ACBD6: variants seen among roughly 807,000 people sequenced by gnomAD.
ACBD6 encodes acyl-CoA-binding domain-containing protein 6.
ACBD6 carries 28 observed loss-of-function variants against 37.2 expected under a neutral mutation model. That is an observed-to-expected ratio of 0.75 (90% confidence interval 0.56 to 1.03). The LOEUF (loss-of-function observed/expected upper bound fraction) is 1.03, where lower values mean the gene tolerates loss of function less well. Among genes scored for constraint, ACBD6 ranks in the 50% least tolerant of loss-of-function variants. The pLI is 0.00. For synonymous variants in ACBD6, 113 were observed against 126.8 expected (o/e 0.89, Z 0.73); for missense variants, 340 against 337.4 (o/e 1.01, Z -0.06).
intron 5 of ACBD6, among the ~76,000 whole-genome samples, chr1:180,398,852 C>T (rs960018924): frequency 7.9e-5 from 12 of 151,948 alleles, no homozygotes; most frequent in African/African-American, 2.9e-4. Context: ...GTTGACATCC[C>T]TACTTTATGT....
At chr1:180,405,016 TCA>T (rs1647553683) in intron 5 of ACBD6, among the ~76,000 whole-genome samples, 1 of 152,214 alleles carries the variant, frequency 6.6e-6, no homozygotes, top group Non-Finnish European at 1.5e-5. Context: ...AACGCATTTC[TCA>T]GTCATTAGTG....
intron 6 of ACBD6, among the ~76,000 whole-genome samples, chr1:180,319,238 T>C (rs1336606297): frequency 6.6e-6 from 1 of 152,260 alleles, no homozygotes; most frequent in Non-Finnish European, 1.5e-5. Context: ...GTACTACGTC[T>C]TTCATCCAGT....
chr1:180,413,594 A>G, intron 4 of ACBD6, 123 bp from the exon 5 acceptor site: 1 of 709,982 alleles, frequency 1.4e-6, no homozygotes, highest in East Asian at 2.7e-5. Context: ...AAAATTTTAC[A>G]TGAACAGTAA....
intron 5 of ACBD6, among the ~76,000 whole-genome samples, chr1:180,406,685 C>A (rs952048168): frequency 1.3e-5 from 2 of 151,976 alleles, no homozygotes; most frequent in Admixed American, 1.3e-4. Context: ...AATTAAATTT[C>A]TTTATGTGCT....
intron 2 of ACBD6, among the ~76,000 whole-genome samples, chr1:180,493,247 C>CAAAAAAAAAAAAAAAAAAAAAAA (rs71121023): frequency 4.2e-5 from 2 of 47,788 alleles, no homozygotes; most frequent in Non-Finnish European, 3.2e-5. Context: ...AATTCTGTCT[C>CAAAAAAAAAAAAAAAAAAAAAAA]AAAAAAAAAA....
intron 3 of ACBD6, chr1:180,435,692 A>G (rs1306415995): frequency 1.1e-6 from 1 of 885,460 alleles, no homozygotes; most frequent in African/African-American, 1.6e-5. Flanking sequence ...GGTGAACAAG[A>G]AGTTAGAGAC....
At chr1:180,331,759 T>C (rs889998666) in intron 6 of ACBD6, among the ~76,000 whole-genome samples, 8 of 152,136 alleles carry the variant, frequency 5.3e-5, no homozygotes, top group Non-Finnish European at 8.8e-5. Flanking sequence ...TGTAAATTTT[T>C]CCCCCAAGGA....
intron 5 of ACBD6, among the ~76,000 whole-genome samples, chr1:180,407,221 C>T (rs1477868105): frequency 6.6e-6 from 1 of 152,198 alleles, no homozygotes; most frequent in Non-Finnish European, 1.5e-5. Flanking sequence ...AATGAGAGAA[C>T]CCAACTGAAT....
chr1:180,291,671 T>A (rs1649712737), intron 7 of ACBD6, among the ~76,000 whole-genome samples: 1 of 152,162 alleles, frequency 6.6e-6, no homozygotes, highest in Non-Finnish European at 1.5e-5. Context: ...TTTAAGAGTA[T>A]CTTGAAGAGT....
chr1:180,411,097 A>G (rs1647836102), intron 5 of ACBD6, among the ~76,000 whole-genome samples: 1 of 152,266 alleles, frequency 6.6e-6, no homozygotes, highest in Non-Finnish European at 1.5e-5. Context: ...AACTAAAATT[A>G]GAAGTGGAAC....
chr1:180,454,084 A>G (rs917188788), intron 3 of ACBD6, among the ~76,000 whole-genome samples: 1 of 152,228 alleles, frequency 6.6e-6, no homozygotes, highest in Non-Finnish European at 1.5e-5. Flanking sequence ...CTAAGCAAAA[A>G]GAACAAAGCT....
intron 6 of ACBD6, among the ~76,000 whole-genome samples, chr1:180,370,486 C>A (rs1653220907): frequency 6.6e-6 from 1 of 152,130 alleles, no homozygotes; most frequent in African/African-American, 2.4e-5. Context: ...ATGGTCCCTG[C>A]ATTCAAAGAA....
chr1:180,305,085 T>C (rs1348719432), intron 7 of ACBD6, among the ~76,000 whole-genome samples: 1 of 152,194 alleles, frequency 6.6e-6, no homozygotes, highest in African/African-American at 2.4e-5. Context: ...TTACACTTTA[T>C]ACAAAAATTA....
chr1:180,354,694 G>A (rs1234503539), intron 6 of ACBD6, among the ~76,000 whole-genome samples: 6 of 152,110 alleles, frequency 3.9e-5, no homozygotes, highest in Non-Finnish European at 8.8e-5. Context: ...TGGTTTTAAG[G>A]AGAATGAATG....
At chr1:180,441,653 TTTTG>T (rs1198578211) in intron 3 of ACBD6, among the ~76,000 whole-genome samples, 2 of 152,218 alleles carry the variant, frequency 1.3e-5, no homozygotes, top group Admixed American at 6.5e-5. Context: ...AATGGAATTT[TTTTG>T]TTTGTTTCCA....
At chr1:180,452,137 A>G (rs1357724950) in intron 3 of ACBD6, among the ~76,000 whole-genome samples, 1 of 152,170 alleles carries the variant, frequency 6.6e-6, no homozygotes, top group Non-Finnish European at 1.5e-5. Flanking sequence ...CTAAATGCCC[A>G]CAGGAGAAAG....
intron 3 of ACBD6, among the ~76,000 whole-genome samples, chr1:180,453,304 A>G (rs913940868): frequency 6.6e-6 from 1 of 152,268 alleles, no homozygotes; most frequent in African/African-American, 2.4e-5. Context: ...AAACAGAACC[A>G]ATGACAAAAA....
exon 14 of ACBD6, chr1:180,271,665 A>G: frequency 3.7e-6 from 5 of 1,358,888 alleles, no homozygotes; most frequent in Non-Finnish European, 5.2e-6. Flanking sequence ...CCAGAACTGA[A>G]GACAGAGTTC....
intron 9 of ACBD6, chr1:180,277,989 T>A (rs1649141127): frequency 6.6e-6 from 1 of 152,066 alleles, no homozygotes; most frequent in Non-Finnish European, 1.5e-5. Flanking sequence ...CAAAAGACAT[T>A]CCTATCTCAG....
Sources: allele counts gnomAD v4.1 joint callset (sites outside exome capture counted in the v4.1 genomes callset), GRCh38; gene constraint gnomAD v4.1.1; transcripts MANE v1.5; gene names NCBI Gene and HGNC (gene_info 2026-07-23, HGNC 2026-07-21).